MMP28: variants seen among roughly 807,000 people sequenced by gnomAD.
MMP28 encodes the protein matrix metalloproteinase-28.
A neutral mutation model predicts 60.5 loss-of-function variants in MMP28; 55 were observed. The ratio of observed to expected loss-of-function variants is 0.91; its 90% confidence interval spans 0.73 to 1.14. The LOEUF (loss-of-function observed/expected upper bound fraction) is 1.14, where lower values mean the gene tolerates loss of function less well. Among genes scored for constraint, MMP28 ranks in the 50% most tolerant of loss-of-function variants. The pLI is 0.00. For missense variants in MMP28, 686 were observed against 738.3 expected (o/e 0.93, Z 0.82); for synonymous variants, 318 against 312.5 (o/e 1.02, Z -0.18).
At chr17:35,771,728 TATATATATATATATATATATATATATAA>T (rs933594891) in intron 4 of MMP28, among the ~76,000 whole-genome samples, 14 of 88,600 alleles carry the variant, frequency 1.6e-4, no homozygotes, top group Admixed American at 9.9e-4. Flanking sequence ...TATATATATA[TATATATATATATATATATATATATATAA>T]AATTGTGTTC....
intron 3 of MMP28, among the ~76,000 whole-genome samples, 171 bp from the exon 4 acceptor site, chr17:35,773,575 C>T (rs2086237693): frequency 6.6e-6 from 1 of 152,174 alleles, no homozygotes; most frequent in South Asian, 2.1e-4. Context: ...GCGATACTGC[C>T]TGGCTGAGGG....
At chr17:35,763,433 C>T (rs1172764554), downstream of MMP28, among the ~76,000 whole-genome samples, 1 of 147,474 alleles carries the variant, frequency 6.8e-6, no homozygotes, top group African/African-American at 2.5e-5. Context: ...CACCACCATG[C>T]CCAGCTTTTT....
Position 35,766,439 on chromosome 17 carries a change from G to C in MMP28, c.*61C>G. 6.7e-7 allele frequency: 1 copy of C among 1,482,562 alleles called. No homozygotes were observed. Among genetic ancestry groups the C allele is most frequent in the Admixed American group, 2.1e-5 (1 of 46,906 alleles). The allele number at this position is 1,482,562 out of a possible 1,614,324, so 91.8% of individuals were successfully genotyped here. On this transcript the variant is annotated 3_prime_UTR_variant, in exon 8 of 8. Transcript: ENST00000605424. The surrounding 1 kb of genome is among the most constrained non-coding windows in gnomAD (Gnocchi z 4.3). ...GGCTTCTAAGAGGGGTTCTGCCCCG[G>C]GGGTGGGGAACATGATTTTGCCCTG...
chr17:35,773,063 G>A (rs1433288879), intron 4 of MMP28, 117 bp downstream of exon 4: 1 of 840,198 alleles, frequency 1.2e-6, no homozygotes, highest in Non-Finnish European at 1.8e-6. Flanking sequence ...TTCTCTGCAG[G>A]GAGATGTGCC....
chr17:35,792,394 C>G (rs1480657563), intron 1 of MMP28, among the ~76,000 whole-genome samples: 1 of 152,128 alleles, frequency 6.6e-6, no homozygotes, highest in Non-Finnish European at 1.5e-5. Flanking sequence ...TGGATAGGTC[C>G]ATGTGAAAAA....
At position 35,789,224 on chromosome 17, in the gene MMP28, A is replaced by G. The variant is rs115639180; in HGVS notation, c.111+6043T>C. Reference sequence around the variant, plus strand: ...AGACAGACAGACATGGACACAGAGGAAGATGATGTATATACACACACAGGC... The same window carrying G: ...AGACAGACAGACATGGACACAGAGGGAGATGATGTATATACACACACAGGC... On this transcript the variant is annotated intron_variant, in intron 1 of 7. Transcript: ENST00000605424. 1.7e-3 allele frequency among the ~76,000 whole-genome samples: 252 copies of G among 152,318 alleles called. 1 individual carries two copies. The highest frequency in any genetic ancestry group is 5.8e-3 in the African/African-American group (242 of 41,556).
At chr17:35,791,550 C>T (rs1001741384) in intron 1 of MMP28, among the ~76,000 whole-genome samples, 1 of 152,028 alleles carries the variant, frequency 6.6e-6, no homozygotes, top group Non-Finnish European at 1.5e-5. Flanking sequence ...CTTTAAGCAG[C>T]CAGTTGTCTT....
At position 35,768,318 on chromosome 17, in the gene MMP28, C is replaced by T. The variant is rs1555604284; in HGVS notation, c.912G>A (p.Glu304=). The T allele has an allele frequency of 6.2e-7, 1 of 1,613,226 alleles. No individual in the cohort carries two copies. The highest frequency in any genetic ancestry group is 8.5e-7 in the Non-Finnish European group (1 of 1,179,592). ...QLPGKLFTDF[E]TWDSYSPQGR... ...CTTGGGGGCTGTAGGAGTCCCAGGTCTCAAAGTCAGTGAACAGCTTTCCTG... is the reference window on the plus strand; with the variant it reads ...CTTGGGGGCTGTAGGAGTCCCAGGTTTCAAAGTCAGTGAACAGCTTTCCTG... The change falls in exon 6 of 8, where the codon GAG becomes GAA. Residue 304 remains glutamate, a synonymous_variant. Transcript: ENST00000605424.
rs772898387 is a variant in MMP28 at position 35,770,278 on chromosome 17, G to A, written c.639C>T (p.Arg213=). ...GALAHAFLPR[R]GEAHFDQDER... ...CATCTTGGTCGAAGTGCGCTTCGCCGCGGCGGGGCAGGAAGGCGTGCGCCA... is the reference window on the plus strand; with the variant it reads ...CATCTTGGTCGAAGTGCGCTTCGCCACGGCGGGGCAGGAAGGCGTGCGCCA... Residue 213 remains arginine (R), a synonymous_variant, in exon 5 of 8, where the codon CGC becomes CGT. Coordinates refer to ENST00000605424, the MANE Select transcript of MMP28 (RefSeq NM_024302.5). 2 of 1,558,558 alleles carry A rather than the reference G, an allele frequency of 1.3e-6. No homozygotes were observed. The highest frequency in any genetic ancestry group is 1.2e-5 in the South Asian group (1 of 85,952).
At position 35,773,967 on chromosome 17, in the gene MMP28, C is replaced by A. The variant is rs936299026; in HGVS notation, c.380-563G>T. On this transcript the variant is annotated intron_variant, in intron 3 of 7. Transcript: ENST00000605424. ...CCAGGGCCTGGGGCCTATGGCCAGC[C>A]AACAACCACAAGACTCATTCATTTG... is the stretch of plus-strand genomic sequence containing the variant. Among the ~76,000 whole-genome samples the A allele has an allele frequency of 1.4e-4, 21 of 152,314 alleles. No homozygotes were observed. In the East Asian group the frequency reaches 3.9e-3, roughly 28 times the overall value.
intron 4 of MMP28, among the ~76,000 whole-genome samples, chr17:35,771,468 G>T (rs1484122769): frequency 7.2e-6 from 1 of 139,802 alleles, no homozygotes; most frequent in African/African-American, 2.7e-5. Context: ...CTTTCAAAAA[G>T]ATCTAGGAGT....
Position 35,768,303 on chromosome 17 carries a change from G to A in MMP28, c.927C>T (p.Tyr309=). The change falls in exon 6 of 8, where the codon TAC becomes TAT. Residue 309 remains tyrosine (Y), a synonymous_variant. Coordinates refer to ENST00000605424, the MANE Select transcript of MMP28 (RefSeq NM_024302.5). ...TTTCAGGGCGCCTTCCTTGGGGGCT[G>A]TAGGAGTCCCAGGTCTCAAAGTCAG... The part of the protein sequence containing the change: ...LFTDFETWDS[Y]SPQGRRPETQ... 6.2e-7 allele frequency: 1 copy of A among 1,613,504 alleles called. No homozygotes were observed. The highest frequency in any genetic ancestry group is 8.5e-7 in the Non-Finnish European group (1 of 1,179,642).
At chr17:35,760,898 T>A (rs782617811), downstream of MMP28, 13 of 1,612,710 alleles carry the variant, frequency 8.1e-6, no homozygotes, top group South Asian at 1.1e-4. Context: ...CCCTCTCACA[T>A]CCCAGTCTCT....
chr17:35,764,174 G>A, downstream of MMP28: 1 of 1,548,482 alleles, frequency 6.5e-7, no homozygotes, highest in Non-Finnish European at 8.7e-7. Context: ...GGAGGAGGGC[G>A]AAGGCCGCGA....
chr17:35,784,984 T>G (rs914487363), intron 1 of MMP28, among the ~76,000 whole-genome samples: 1 of 152,196 alleles, frequency 6.6e-6, no homozygotes, highest in African/African-American at 2.4e-5. Context: ...CACCCTACTC[T>G]GGCCTAAAAG....
In MMP28 at chr17:35,766,400, C is replaced by A; in HGVS notation, c.*100G>T. 4 of 1,431,904 alleles carry A rather than the reference C, an allele frequency of 2.8e-6. No individual in the cohort carries two copies. Among genetic ancestry groups the A allele is most frequent in the Non-Finnish European group, 3.7e-6 (4 of 1,095,094 alleles). 88.7% of individuals were successfully genotyped at this position (1,431,904 alleles called of 1,614,324 possible). ...GGAGGCTTTGCTGCCCGGTCTTCTG[C>A]AGAGGGACTCAGAGGCTTCTAAGAG... On this transcript the variant is annotated 3_prime_UTR_variant, in exon 8 of 8. Coordinates refer to ENST00000605424, the MANE Select transcript of MMP28 (RefSeq NM_024302.5). The surrounding 1 kb of genome is among the most constrained non-coding windows in gnomAD (Gnocchi z 4.3).
At chr17:35,764,465 C>G, downstream of MMP28, 1 of 1,559,348 alleles carries the variant, frequency 6.4e-7, no homozygotes, top group Non-Finnish European at 8.7e-7. Flanking sequence ...TGCTGGAGAT[C>G]CGGCGACGAC....
chr17:35,768,365 C>T lies in MMP28; in HGVS notation c.865G>A (p.Gly289Ser), dbSNP rs774639772. Residue 289 changes from glycine (G) to serine (S), a missense_variant, in exon 6 of 8, where the codon GGC becomes AGC. Transcript: ENST00000605424. ...VQSLYGKPLG[G>S]SVAVQLPGKL... Reference sequence around the variant, plus strand: ...CCTGGGAGCTGGACGGCCACTGAGCCCCCTAGGGGCTTCCCTTTGTGAGTA... The same window carrying T: ...CCTGGGAGCTGGACGGCCACTGAGCTCCCTAGGGGCTTCCCTTTGTGAGTA... 6.2e-7 allele frequency: 1 copy of T among 1,603,992 alleles called. No homozygotes were observed. Among genetic ancestry groups the T allele is most frequent in the Admixed American group, 1.7e-5 (1 of 57,192 alleles).
intron 1 of MMP28, among the ~76,000 whole-genome samples, chr17:35,786,202 G>A (rs1032879880): frequency 5.9e-5 from 9 of 152,008 alleles, no homozygotes; most frequent in South Asian, 2.1e-4. Flanking sequence ...GATTACAGGC[G>A]TGCGCCACTA....
Sources: gnomAD v4.1 joint callset for allele counts (sites outside exome capture counted in the v4.1 genomes callset) on GRCh38, gnomAD v4.1.1 for gene constraint, Gnocchi (gnomAD v3.1) non-coding constraint, MANE v1.5 for transcripts, NCBI Gene and HGNC (gene_info 2026-07-23, HGNC 2026-07-21) for gene names.